The following CHRM3 variants were observed in gnomAD, a reference collection of about 807,000 sequenced individuals.
The protein encoded by CHRM3 is cholinergic receptor muscarinic 3, also known as muscarinic acetylcholine receptor M3.
A neutral mutation model predicts 41.8 loss-of-function variants in CHRM3; 11 were observed. That is an observed-to-expected ratio of 0.26 (90% CI 0.17 to 0.44). The LOEUF is 0.44. CHRM3 is among the 20% of genes least tolerant of loss of function. CHRM3 has a pLI of 1.00. For missense variants in CHRM3, 571 were observed against 745.4 expected, an observed-to-expected ratio of 0.77 and a Z score of 2.72; for synonymous variants, 297 against 301.4, an observed-to-expected ratio of 0.99 and a Z score of 0.15.
chr1:239,776,201 C>T (rs1462451026), intron 5 of CHRM3, among the ~76,000 whole-genome samples: 1 of 152,118 alleles, frequency 6.6e-6, no homozygotes, highest in Non-Finnish European at 1.5e-5. Flanking sequence ...GACTCTGGAG[C>T]CAGACTCCTT....
At chr1:239,548,500 T>G (rs1659503227) in intron 3 of CHRM3, among the ~76,000 whole-genome samples, 1 of 152,262 alleles carries the variant, frequency 6.6e-6, no homozygotes, top group African/African-American at 2.4e-5. Flanking sequence ...TATCTTTGAC[T>G]GCTTTGCACA....
chr1:239,619,884 T>C (rs898251799), intron 3 of CHRM3, among the ~76,000 whole-genome samples: 1 of 152,060 alleles, frequency 6.6e-6, no homozygotes, highest in Non-Finnish European at 1.5e-5. Flanking sequence ...TAATTATAAG[T>C]CACCTGAGCT....
chr1:239,407,222 G>A (rs1572188748), intron 1 of CHRM3, among the ~76,000 whole-genome samples: 1 of 151,972 alleles, frequency 6.6e-6, no homozygotes. Flanking sequence ...CATCCGATCA[G>A]GCTGCGTTTT....
chr1:239,570,700 GTAC>G (rs1661749173), intron 3 of CHRM3, among the ~76,000 whole-genome samples: 1 of 152,038 alleles, frequency 6.6e-6, no homozygotes, highest in African/African-American at 2.4e-5. Context: ...CGATGAAATG[GTAC>G]AGGATGGTCC....
chr1:239,894,189 A>G (rs1678786827), intron 6 of CHRM3, among the ~76,000 whole-genome samples: 1 of 152,242 alleles, frequency 6.6e-6, no homozygotes, highest in African/African-American at 2.4e-5. Flanking sequence ...ACAGATTTGG[A>G]AACTCAATAA....
intron 5 of CHRM3, among the ~76,000 whole-genome samples, chr1:239,787,018 G>C (rs1668959652): frequency 6.6e-6 from 1 of 152,144 alleles, no homozygotes; most frequent in Non-Finnish European, 1.5e-5. Context: ...GGCCAGACAA[G>C]AGTCAGGAAG....
At chr1:239,434,399 T>A (rs149458806) in intron 1 of CHRM3, among the ~76,000 whole-genome samples, 1 of 152,356 alleles carries the variant, frequency 6.6e-6, no homozygotes, top group Non-Finnish European at 1.5e-5. Context: ...ATAAACATCA[T>A]CTTCTCTGGG....
chr1:239,441,406 A>G (rs972252490), intron 1 of CHRM3, among the ~76,000 whole-genome samples: 2 of 152,190 alleles, frequency 1.3e-5, no homozygotes, highest in Non-Finnish European at 1.5e-5. Flanking sequence ...TTTTGTCCCT[A>G]TAAAAGGTCA....
intron 6 of CHRM3, among the ~76,000 whole-genome samples, chr1:239,835,321 C>T (rs898272813): frequency 3.9e-5 from 6 of 152,184 alleles, no homozygotes; most frequent in Non-Finnish European, 8.8e-5. Context: ...TTTTCTTATT[C>T]CTTCCTTCAA....
At chr1:239,896,102 G>C (rs1372117122) in intron 6 of CHRM3, among the ~76,000 whole-genome samples, 1 of 152,244 alleles carries the variant, frequency 6.6e-6, no homozygotes, top group Non-Finnish European at 1.5e-5. Flanking sequence ...GAAGATGAAA[G>C]TGTCCCTCCG....
At chr1:239,825,755 C>T (rs1174340214) in intron 5 of CHRM3, among the ~76,000 whole-genome samples, 1 of 151,886 alleles carries the variant, frequency 6.6e-6, no homozygotes, top group Admixed American at 6.6e-5. Context: ...TGCTCTTTTT[C>T]CCAGGATGGA....
At chr1:239,850,616 T>G (rs7550805) in intron 6 of CHRM3, among the ~76,000 whole-genome samples, 3,985 of 152,154 alleles carry the variant, frequency 0.026, 179 homozygotes, top group African/African-American at 0.089. Context: ...CCAAATCTCA[T>G]CTTGAATCGT....
chr1:239,456,672 G>A (rs1319848528), intron 1 of CHRM3, among the ~76,000 whole-genome samples: 1 of 152,120 alleles, frequency 6.6e-6, no homozygotes, highest in Non-Finnish European at 1.5e-5. Context: ...GCCCAATTGG[G>A]GTACCCTGCC....
In CHRM3 at chr1:239,387,723, A is replaced by G. The variant is rs1191689829; in HGVS notation, c.-521+496A>G. On this transcript the variant is annotated intron_variant, in intron 1 of 6. Coordinates refer to ENST00000676153, the MANE Select transcript of CHRM3 (RefSeq NM_001375978.1). The surrounding 1 kb of genome is among the most constrained non-coding windows in gnomAD (Gnocchi z 5.1). ...ATTTGGTTTCCTGTCATTTCTAAGA[A>G]GGCTAAAGCTGGCACCCGCCAACCT... 3.3e-5 allele frequency among the ~76,000 whole-genome samples: 5 copies of G among 152,108 alleles called. No individual in the cohort carries two copies. The highest frequency in any genetic ancestry group is 1.2e-4 in the African/African-American group (5 of 41,430).
chr1:239,808,056 C>A (rs922360362), intron 5 of CHRM3, among the ~76,000 whole-genome samples: 9 of 152,016 alleles, frequency 5.9e-5, no homozygotes, highest in Admixed American at 5.9e-4. Flanking sequence ...CCTTGGAATT[C>A]TTTATCGGTA....
In CHRM3 at chr1:239,908,363, C is replaced by G; in HGVS notation, c.912C>G (p.Asn304Lys). ...ELQQQSMKRSNRRKYGRCHFW... is the reference protein window; with the variant it reads ...ELQQQSMKRSKRRKYGRCHFW... ...AACAGCAAAGCATGAAACGCTCCAACAGGAGGAAGTATGGCCGCTGCCACT... is the reference window on the plus strand; with the variant it reads ...AACAGCAAAGCATGAAACGCTCCAAGAGGAGGAAGTATGGCCGCTGCCACT... The change falls in exon 7 of 7, where the codon AAC (asparagine) becomes AAG (lysine). Residue 304 changes from asparagine to lysine, a missense_variant. Physicochemically the swap from Asn to Lys is moderately conservative, Grantham distance 94. Transcript: ENST00000676153. The surrounding 1 kb of genome is among the most constrained non-coding windows in gnomAD (Gnocchi z 7.2). 1 of 1,614,096 alleles carries G rather than the reference C, an allele frequency of 6.2e-7. No individual in the cohort carries two copies. Among genetic ancestry groups the G allele is most frequent in the Non-Finnish European group, 8.5e-7 (1 of 1,180,040 alleles).
intron 4 of CHRM3, among the ~76,000 whole-genome samples, chr1:239,657,993 T>C (rs1415873986): frequency 6.6e-6 from 1 of 152,206 alleles, no homozygotes; most frequent in Non-Finnish European, 1.5e-5. Flanking sequence ...GAATATACTT[T>C]TGGGGGACTA....
intron 3 of CHRM3, among the ~76,000 whole-genome samples, chr1:239,611,858 A>G (rs778215701): frequency 2.0e-5 from 3 of 152,252 alleles, no homozygotes; most frequent in Admixed American, 6.5e-5. Flanking sequence ...TACCAATGTT[A>G]TAATTAAGAA....
chr1:239,879,644 T>C (rs663148), intron 6 of CHRM3, among the ~76,000 whole-genome samples: 122,172 of 152,178 alleles, frequency 0.8, 51,067 homozygotes, highest in South Asian at 0.95. Flanking sequence ...AGCCACAGCC[T>C]GGCAGCGCCC....
Sources: gnomAD v4.1 joint callset for allele counts (sites outside exome capture counted in the v4.1 genomes callset) on GRCh38, gnomAD v4.1.1 for gene constraint, Gnocchi (gnomAD v3.1) non-coding constraint, MANE v1.5 for transcripts, NCBI Gene and HGNC (gene_info 2026-07-23, HGNC 2026-07-21) for gene names.